Variants in FBXW7 observed in about 807,000 individuals in gnomAD.
FBXW7 encodes the protein F-box and WD repeat domain containing 7, also known as F-box/WD repeat-containing protein 7.
FBXW7 carries 11 observed loss-of-function variants against 86.3 expected under a neutral mutation model. That is an observed-to-expected ratio of 0.13 (90% CI 0.08 to 0.21). The LOEUF is 0.21. FBXW7 is among the 10% of genes least tolerant of loss of function. The pLI is 1.00. For missense variants in FBXW7, 488 were observed against 847.4 expected, an observed-to-expected ratio of 0.58 and a Z score of 5.27; for synonymous variants, 313 against 297.9, an observed-to-expected ratio of 1.05 and a Z score of -0.52.
intron 2 of FBXW7, among the ~76,000 whole-genome samples, chr4:152,493,142 A>G (rs1388258008): frequency 6.6e-6 from 1 of 151,772 alleles, no homozygotes; most frequent in Non-Finnish European, 1.5e-5. Context: ...AAAACCAAAG[A>G]GTTTAAAGGA....
chr4:152,442,096 T>C (rs1324456259), intron 2 of FBXW7, among the ~76,000 whole-genome samples: 3 of 152,332 alleles, frequency 2.0e-5, no homozygotes, highest in Admixed American at 2.0e-4. Flanking sequence ...CTAAAAGATA[T>C]TGCTTATAAT....
chr4:152,484,783 G>A (rs1441809692), intron 2 of FBXW7, among the ~76,000 whole-genome samples: 4 of 152,004 alleles, frequency 2.6e-5, no homozygotes, highest in Admixed American at 1.3e-4. Flanking sequence ...CCAACATGGC[G>A]AAACCCTGTC....
chr4:152,332,473 G>T (rs1241974502), intron 8 of FBXW7, 123 bp downstream of exon 8: 4 of 1,017,362 alleles, frequency 3.9e-6, no homozygotes, highest in African/African-American at 3.3e-5. Flanking sequence ...ATCTGAATGT[G>T]TAGAATAATC....
chr4:152,331,318 G>A (rs192606922), intron 8 of FBXW7, among the ~76,000 whole-genome samples: 2 of 152,084 alleles, frequency 1.3e-5, no homozygotes, highest in East Asian at 1.9e-4. Context: ...TAACTAAAAC[G>A]TGCAAGCAAT....
chr4:152,477,921 T>C (rs1744559174), intron 2 of FBXW7, among the ~76,000 whole-genome samples: 1 of 152,170 alleles, frequency 6.6e-6, no homozygotes, highest in African/African-American at 2.4e-5. Context: ...ATACTCTTTT[T>C]CATTTATATA....
chr4:152,513,977 A>G (rs1323607988), intron 2 of FBXW7, among the ~76,000 whole-genome samples: 1 of 152,250 alleles, frequency 6.6e-6, no homozygotes, highest in Non-Finnish European at 1.5e-5. Context: ...TAAAATATAC[A>G]CTGATTTCAA....
In FBXW7 at chr4:152,411,700, C is replaced by G. The variant is rs199629238; in HGVS notation, c.104G>C (p.Arg35Pro). 5 of 1,613,822 alleles carry G rather than the reference C, an allele frequency of 3.1e-6. No individual in the cohort carries two copies. In the Admixed American group the frequency reaches 5.0e-5, roughly 16 times the overall value. The change falls in exon 4 of 14, where the codon CGT (arginine) becomes CCT (proline). Residue 35 changes from arginine to proline, a missense_variant. Physicochemically the swap from Arg to Pro is moderately radical, Grantham distance 103 (BLOSUM62 -2). Transcript: ENST00000281708. ...CTGTTGCTGTTCCTCCTCTACCACA[C>G]GATTCATCTGTTCTTCATCTACCTG... ...SSQVDEEQMN[R>P]VVEEEQQQQL... is the part of the protein sequence containing the mutation.
intron 2 of FBXW7, among the ~76,000 whole-genome samples, chr4:152,480,978 G>C (rs1744826509): frequency 1.3e-5 from 2 of 152,200 alleles, no homozygotes. Flanking sequence ...CACTGATGAA[G>C]GTGGCTACAC....
chr4:152,332,666 A>C lies in FBXW7; in HGVS notation c.915T>G (p.Ala305=). The C allele has an allele frequency of 6.2e-7, 1 of 1,604,390 alleles. No individual in the cohort carries two copies. The highest frequency in any genetic ancestry group is 8.5e-7 in the Non-Finnish European group (1 of 1,173,800). The change falls in exon 8 of 14, where the codon GCT becomes GCG. Residue 305 remains alanine, a synonymous_variant. Coordinates refer to ENST00000281708, the MANE Select transcript of FBXW7 (RefSeq NM_001349798.2). ...FLEPKDLLQA[A]QTCRYWRILA... ...AAATTCTCCAGTAGCGACATGTCTG[A>C]GCTGCTTGTAGCAGGTCTTTGGGTT...
intron 4 of FBXW7, among the ~76,000 whole-genome samples, chr4:152,407,367 T>A (rs896845539): frequency 6.6e-6 from 1 of 152,216 alleles, no homozygotes; most frequent in Non-Finnish European, 1.5e-5. Flanking sequence ...TTATTCAAGA[T>A]GACTGCCTTA....
intron 2 of FBXW7, among the ~76,000 whole-genome samples, chr4:152,481,692 A>C (rs1251859904): frequency 6.6e-6 from 1 of 152,210 alleles, no homozygotes; most frequent in Non-Finnish European, 1.5e-5. Flanking sequence ...CCCAACCCTC[A>C]TGGATGTGAG....
chr4:152,355,387 A>G (rs184428446), intron 4 of FBXW7, among the ~76,000 whole-genome samples: 4 of 152,102 alleles, frequency 2.6e-5, no homozygotes, highest in African/African-American at 4.8e-5. Context: ...AAGTTTTTTT[A>G]AAGTATTTTA....
chr4:152,364,945 G>C (rs1733328778), intron 4 of FBXW7, among the ~76,000 whole-genome samples: 1 of 152,122 alleles, frequency 6.6e-6, no homozygotes, highest in Non-Finnish European at 1.5e-5. Flanking sequence ...TAGTTACTTA[G>C]TTGCCTAACA....
At chr4:152,368,787 T>C (rs1372163717) in intron 4 of FBXW7, among the ~76,000 whole-genome samples, 2 of 152,074 alleles carry the variant, frequency 1.3e-5, no homozygotes, top group Non-Finnish European at 2.9e-5. Context: ...TTTTAAAAAT[T>C]CCAATTTAAT....
intron 2 of FBXW7, among the ~76,000 whole-genome samples, chr4:152,464,877 C>CT (rs1743264062): frequency 6.6e-6 from 1 of 152,080 alleles, no homozygotes; most frequent in African/African-American, 2.4e-5. Flanking sequence ...ACTGCAATAA[C>CT]TTTATTGGAA....
intron 4 of FBXW7, among the ~76,000 whole-genome samples, chr4:152,407,828 C>T (rs892634878): frequency 6.6e-6 from 1 of 152,082 alleles, no homozygotes; most frequent in African/African-American, 2.4e-5. Context: ...CCTCAGCCCC[C>T]AAAGTAGCTG....
intron 2 of FBXW7, among the ~76,000 whole-genome samples, chr4:152,523,509 ATC>A (rs1242841995): frequency 6.6e-6 from 1 of 152,176 alleles, no homozygotes; most frequent in African/African-American, 2.4e-5. Flanking sequence ...GAGGAGCAAC[ATC>A]TCTCTGAATG....
chr4:152,398,259 T>A (rs1736596806), intron 4 of FBXW7, among the ~76,000 whole-genome samples: 1 of 151,884 alleles, frequency 6.6e-6, no homozygotes, highest in Non-Finnish European at 1.5e-5. Context: ...AGGTGCTATA[T>A]GGCCCTCTAG....
chr4:152,431,587 C>A (rs1739893561), intron 2 of FBXW7, among the ~76,000 whole-genome samples: 1 of 152,118 alleles, frequency 6.6e-6, no homozygotes, highest in African/African-American at 2.4e-5. Flanking sequence ...TTGATCTGGT[C>A]CACTGGGGCC....
Sources: gnomAD v4.1 joint callset for allele counts (sites outside exome capture counted in the v4.1 genomes callset) on GRCh38, gnomAD v4.1.1 for gene constraint, MANE v1.5 for transcripts, NCBI Gene and HGNC (gene_info 2026-07-23, HGNC 2026-07-21) for gene names.